SYN3: variants seen among roughly 807,000 people sequenced by gnomAD.
SYN3 encodes the protein synapsin III.
In SYN3, 35 loss-of-function variants were observed where a neutral mutation model predicts 65.8. The observed-to-expected ratio is 0.53, with a 90% CI of 0.41 to 0.70. The LOEUF is 0.70. Ranked by LOEUF, SYN3 falls within the 30% of genes least tolerant of loss-of-function variation. SYN3 has a pLI of 0.00. For missense variants in SYN3, 680 were observed against 749.0 expected (o/e 0.91, Z 1.08); for synonymous variants, 270 against 292.9 (o/e 0.92, Z 0.80).
At chr22:33,027,223 A>C (rs1430299048) in intron 1 of SYN3, among the ~76,000 whole-genome samples, 3 of 152,194 alleles carry the variant, frequency 2.0e-5, no homozygotes, top group Non-Finnish European at 4.4e-5. Flanking sequence ...CTACATATAT[A>C]TATATGACGT....
At chr22:33,019,023 G>C (rs1277415687) in intron 1 of SYN3, among the ~76,000 whole-genome samples, 1 of 152,066 alleles carries the variant, frequency 6.6e-6, no homozygotes, top group Non-Finnish European at 1.5e-5. Flanking sequence ...ATTACAACAG[G>C]CTCCTAATCA....
chr22:32,591,647 G>A (rs557316886), intron 7 of SYN3, among the ~76,000 whole-genome samples: 201 of 152,190 alleles, frequency 1.3e-3, no homozygotes, highest in African/African-American at 4.7e-3. Context: ...TTTCTAGTCT[G>A]GTAAAATCTC....
intron 2 of SYN3, among the ~76,000 whole-genome samples, chr22:32,994,285 G>C (rs2052813328): frequency 1.3e-5 from 2 of 152,066 alleles, no homozygotes; most frequent in Admixed American, 1.3e-4. Flanking sequence ...CCCTCCCCCA[G>C]ACACCAGGGC....
chr22:32,513,621 C>A lies in SYN3; in HGVS notation c.*71G>T. The A allele has an allele frequency of 6.3e-7, 1 of 1,578,756 alleles. No individual in the cohort carries two copies. The highest frequency in any genetic ancestry group is 1.2e-5 in the South Asian group (1 of 86,404). On this transcript the variant is annotated 3_prime_UTR_variant, in exon 14 of 14. Transcript: ENST00000358763. ...ATTCTGTTCCCATCAGGAACCAAGG[C>A]TGAGAAGGAAGATGAGGCAGGAGGG...
intron 6 of SYN3, among the ~76,000 whole-genome samples, chr22:32,760,198 C>A (rs2045437197): frequency 7.5e-6 from 1 of 133,720 alleles, no homozygotes; most frequent in Admixed American, 7.5e-5. Flanking sequence ...AGCCAGCACC[C>A]ACCCGCCCCC....
intron 3 of SYN3, among the ~76,000 whole-genome samples, chr22:32,973,653 C>T (rs1054511777): frequency 3.9e-5 from 6 of 152,130 alleles, no homozygotes; most frequent in African/African-American, 1.2e-4. Context: ...AGACTGAACT[C>T]GAACTCCAGT....
chr22:33,005,876 T>C (rs147871289), intron 2 of SYN3, among the ~76,000 whole-genome samples: 144 of 152,354 alleles, frequency 9.5e-4, no homozygotes, highest in African/African-American at 3.0e-3. Flanking sequence ...ATTTCAGATA[T>C]TAAAAGTTTT....
At chr22:32,599,145 G>A (rs111991145) in intron 6 of SYN3, among the ~76,000 whole-genome samples, 23 of 152,040 alleles carry the variant, frequency 1.5e-4, no homozygotes, top group Non-Finnish European at 2.6e-4. Context: ...TCCAGTCTTG[G>A]TTCTTGCTCT....
chr22:32,657,480 C>G (rs2060158657), intron 6 of SYN3, among the ~76,000 whole-genome samples: 1 of 152,206 alleles, frequency 6.6e-6, no homozygotes, highest in South Asian at 2.1e-4. Flanking sequence ...CCATAAGCCA[C>G]TGAGAGAGAC....
intron 1 of SYN3, among the ~76,000 whole-genome samples, chr22:33,056,570 G>A (rs149065515): frequency 1.3e-5 from 2 of 152,350 alleles, no homozygotes; most frequent in African/African-American, 4.8e-5. Flanking sequence ...TCTCATGGGA[G>A]GGATTGAGAC....
chr22:32,950,210 C>A (rs2051248698), intron 3 of SYN3, among the ~76,000 whole-genome samples: 1 of 152,172 alleles, frequency 6.6e-6, no homozygotes, highest in Non-Finnish European at 1.5e-5. Context: ...ACTAAGTTCA[C>A]AGGAAAAAGT....
intron 6 of SYN3, among the ~76,000 whole-genome samples, chr22:32,603,721 A>G (rs1002962427): frequency 6.6e-6 from 1 of 152,050 alleles, no homozygotes; most frequent in Non-Finnish European, 1.5e-5. Flanking sequence ...GTCACAGAGG[A>G]CAAAAAACAT....
At chr22:32,995,748 C>T (rs1360504343) in intron 2 of SYN3, among the ~76,000 whole-genome samples, 3 of 152,084 alleles carry the variant, frequency 2.0e-5, no homozygotes, top group East Asian at 1.9e-4. Flanking sequence ...CTGCAACCTC[C>T]GACTCCCTGG....
chr22:32,781,276 C>G (rs1029160661), intron 6 of SYN3, among the ~76,000 whole-genome samples: 2 of 152,104 alleles, frequency 1.3e-5, no homozygotes, highest in East Asian at 3.9e-4. Flanking sequence ...TCTGACTCCT[C>G]CATCATCCTC....
intron 6 of SYN3, among the ~76,000 whole-genome samples, chr22:32,655,299 A>G (rs2060127503): frequency 6.6e-6 from 1 of 152,220 alleles, no homozygotes; most frequent in Admixed American, 6.5e-5. Flanking sequence ...TGGACTTCCC[A>G]GCCTCCAGAA....
chr22:32,546,245 T>G (rs902889633), intron 7 of SYN3, among the ~76,000 whole-genome samples: 1 of 152,218 alleles, frequency 6.6e-6, no homozygotes, highest in Non-Finnish European at 1.5e-5. Context: ...GCTGTTGCAC[T>G]GGTGCCAAGC....
At chr22:32,601,928 GCTTTT>G (rs200871168) in intron 6 of SYN3, among the ~76,000 whole-genome samples, 5,489 of 151,096 alleles carry the variant, frequency 0.036, 122 homozygotes, top group Middle Eastern at 0.048. Context: ...CACTCCCAGA[GCTTTT>G]CTTTTCTTTT....
intron 6 of SYN3, among the ~76,000 whole-genome samples, chr22:32,664,612 A>ATTTTTTT (rs2060263579): frequency 2.7e-5 from 1 of 37,544 alleles, no homozygotes; most frequent in African/African-American, 2.2e-4. Context: ...TTTTTTTTTG[A>ATTTTTTT]CAGAGTCTCG....
chr22:32,834,458 C>G (rs1463226939), intron 6 of SYN3, among the ~76,000 whole-genome samples: 1 of 152,040 alleles, frequency 6.6e-6, no homozygotes, highest in Admixed American at 6.6e-5. Flanking sequence ...CCACTGCACC[C>G]GGCCAAGCCC....
Sources: gnomAD v4.1 joint callset for allele counts (sites outside exome capture counted in the v4.1 genomes callset) on GRCh38, gnomAD v4.1.1 for gene constraint, MANE v1.5 for transcripts, NCBI Gene and HGNC (gene_info 2026-07-23, HGNC 2026-07-21) for gene names.